KATNA1: variants seen among roughly 807,000 people sequenced by gnomAD.
KATNA1 encodes the protein katanin p60 ATPase-containing subunit A1.
A neutral mutation model predicts 62.6 loss-of-function variants in KATNA1; 42 were observed. That is an observed-to-expected ratio of 0.67 (90% CI 0.52 to 0.87). The LOEUF (loss-of-function observed/expected upper bound fraction) is 0.87, where lower values mean the gene tolerates loss of function less well. Among genes scored for constraint, KATNA1 ranks in the 40% least tolerant of loss-of-function variants. The pLI, the probability that KATNA1 is intolerant of heterozygous loss-of-function variation, is 0.00. For missense variants in KATNA1, 498 were observed against 612.5 expected (o/e 0.81, Z 1.97); for synonymous variants, 186 against 201.9 (o/e 0.92, Z 0.67).
At chr6:149,632,019 T>C (rs1370960502) in intron 3 of KATNA1, among the ~76,000 whole-genome samples, 1 of 152,176 alleles carries the variant, frequency 6.6e-6, no homozygotes, top group East Asian at 1.9e-4. Flanking sequence ...CATTTTTCAT[T>C]ATAGCTTGAT....
chr6:149,595,525 T>C (rs1582744596), intron 10 of KATNA1, among the ~76,000 whole-genome samples: 1 of 152,172 alleles, frequency 6.6e-6, no homozygotes, highest in East Asian at 1.9e-4. Context: ...AATTTCATTA[T>C]AACTATTCAA....
chr6:149,622,232 A>C (rs1034732652), intron 4 of KATNA1, among the ~76,000 whole-genome samples: 5 of 151,310 alleles, frequency 3.3e-5, no homozygotes, highest in Middle Eastern at 3.4e-3. Flanking sequence ...TCTCGGGTTC[A>C]CGCCATTCTC....
intron 3 of KATNA1, among the ~76,000 whole-genome samples, chr6:149,625,713 C>G (rs1364148574): frequency 6.6e-6 from 1 of 152,068 alleles, no homozygotes; most frequent in African/African-American, 2.4e-5. Flanking sequence ...GCAGGTGGAT[C>G]ACCTGAGGTC....
chr6:149,608,499 G>C (rs1317042006), intron 4 of KATNA1, among the ~76,000 whole-genome samples: 2 of 152,164 alleles, frequency 1.3e-5, no homozygotes, highest in African/African-American at 2.4e-5. Flanking sequence ...CTCTACTCCA[G>C]TCAAGCACCA....
intron 4 of KATNA1, among the ~76,000 whole-genome samples, chr6:149,616,694 C>T (rs368977943): frequency 6.6e-6 from 1 of 151,924 alleles, no homozygotes; most frequent in East Asian, 1.9e-4. Flanking sequence ...GCGGAGGGTG[C>T]GGTGAGCCAA....
chr6:149,638,272 T>G lies in KATNA1; in HGVS notation c.162+114A>C, dbSNP rs1286520026. On this transcript the variant is annotated intron_variant, in intron 2 of 10. Transcript: ENST00000367411. ...TACAGGAGTGAGCCACTGTGTACTG[T>G]GCTCGGTAGTCATACAGTCTTAACA... is the stretch of plus-strand genomic sequence containing the variant. 3.0e-6 allele frequency: 3 copies of G among 992,362 alleles called. No individual in the cohort carries two copies. The African/African-American group carries it at 4.8e-5, about 16-fold the overall frequency. 61.5% of individuals were successfully genotyped at this position (992,362 alleles called of 1,614,324 possible).
intron 3 of KATNA1, among the ~76,000 whole-genome samples, chr6:149,627,072 A>C (rs1327165530): frequency 6.6e-6 from 1 of 151,806 alleles, no homozygotes; most frequent in Non-Finnish European, 1.5e-5. Context: ...GAAACAGTAC[A>C]TCAGGTAATA....
At chr6:149,628,281 T>G (rs2114593728) in intron 3 of KATNA1, among the ~76,000 whole-genome samples, 1 of 149,724 alleles carries the variant, frequency 6.7e-6, no homozygotes, top group African/African-American at 2.5e-5. Context: ...TTTTTTTTTT[T>G]TGTATTTTTA....
At chr6:149,643,656 T>C (rs1780372344) in intron 1 of KATNA1, among the ~76,000 whole-genome samples, 1 of 150,856 alleles carries the variant, frequency 6.6e-6, no homozygotes, top group African/African-American at 2.4e-5. Flanking sequence ...TCAATCAACC[T>C]TTGAATGACT....
At chr6:149,628,205 C>T (rs923837856) in intron 3 of KATNA1, among the ~76,000 whole-genome samples, 1 of 151,140 alleles carries the variant, frequency 6.6e-6, no homozygotes, top group African/African-American at 2.4e-5. Context: ...TCACGCCATT[C>T]TCCTGCCTCA....
chr6:149,607,705 CT>C (rs531913983), intron 4 of KATNA1, among the ~76,000 whole-genome samples: 6 of 152,100 alleles, frequency 3.9e-5, no homozygotes, highest in Non-Finnish European at 8.8e-5. Context: ...ACCTAGACTC[CT>C]TTTTTCATGC....
chr6:149,602,967 C>T (rs539440852), intron 6 of KATNA1, among the ~76,000 whole-genome samples: 3 of 151,990 alleles, frequency 2.0e-5, no homozygotes, highest in African/African-American at 4.8e-5. Context: ...GTGATCCGCC[C>T]GCCTCGGCCT....
chr6:149,641,025 C>G (rs189575324), intron 1 of KATNA1, among the ~76,000 whole-genome samples: 95 of 152,050 alleles, frequency 6.2e-4, no homozygotes, highest in African/African-American at 2.3e-3. Flanking sequence ...CATGTGCCAA[C>G]ACGCCTGGCT....
At chr6:149,636,262 G>T (rs947976521) in intron 2 of KATNA1, among the ~76,000 whole-genome samples, 1 of 151,806 alleles carries the variant, frequency 6.6e-6, no homozygotes, top group African/African-American at 2.4e-5. Flanking sequence ...ACAAACTTAA[G>T]ACTCCTTATG....
chr6:149,602,157 G>C (rs1242595036), intron 6 of KATNA1, among the ~76,000 whole-genome samples: 1 of 152,128 alleles, frequency 6.6e-6, no homozygotes, highest in Non-Finnish European at 1.5e-5. Context: ...ACGAGGTCAG[G>C]AGATTGGGAC....
At chr6:149,645,344 G>A (rs1457782222) in intron 1 of KATNA1, among the ~76,000 whole-genome samples, 5 of 152,054 alleles carry the variant, frequency 3.3e-5, no homozygotes, top group South Asian at 2.1e-4. Context: ...TTGGGAGGCT[G>A]AGGCAGGAGA....
chr6:149,617,613 A>G (rs2115111493), intron 4 of KATNA1, among the ~76,000 whole-genome samples: 2 of 152,088 alleles, frequency 1.3e-5, no homozygotes, highest in South Asian at 4.2e-4. Flanking sequence ...TATCCTGATC[A>G]ACATGGTGAA....
chr6:149,610,186 G>GCTA (rs1336237204), intron 4 of KATNA1, among the ~76,000 whole-genome samples: 3 of 149,550 alleles, frequency 2.0e-5, no homozygotes, highest in Non-Finnish European at 4.4e-5. Flanking sequence ...TGTAGTCCCA[G>GCTA]CTACTTGGGA....
At chr6:149,623,073 T>A in intron 4 of KATNA1, 30 bp downstream of exon 4, 1 of 1,475,598 alleles carries the variant, frequency 6.8e-7, no homozygotes, top group Non-Finnish European at 9.2e-7. Context: ...CAAAAATAAC[T>A]TTCATTTATA....
Sources: allele counts gnomAD v4.1 joint callset (sites outside exome capture counted in the v4.1 genomes callset), GRCh38; gene constraint gnomAD v4.1.1; transcripts MANE v1.5; gene names NCBI Gene and HGNC (gene_info 2026-07-23, HGNC 2026-07-21).